Variants in ST6GALNAC5 observed in about 807,000 individuals in gnomAD.
The protein encoded by ST6GALNAC5 is alpha-N-acetylgalactosaminide alpha-2,6-sialyltransferase 5.
Under a neutral mutation model 33.6 loss-of-function variants are expected in ST6GALNAC5, and 27 were observed. The ratio of observed to expected loss-of-function variants is 0.80; its 90% CI spans 0.59 to 1.11. The LOEUF is 1.11. Among genes scored for constraint, ST6GALNAC5 ranks in the 50% least tolerant of loss-of-function variants. ST6GALNAC5 has a pLI of 0.00. For synonymous variants in ST6GALNAC5, 194 were observed against 171.2 expected, an observed-to-expected ratio of 1.13 and a Z score of -1.04; for missense variants, 428 against 454.0, an observed-to-expected ratio of 0.94 and a Z score of 0.52.
At chr1:76,891,060 G>A (rs550867473) in intron 2 of ST6GALNAC5, among the ~76,000 whole-genome samples, 1 of 152,270 alleles carries the variant, frequency 6.6e-6, no homozygotes, top group East Asian at 1.9e-4. Context: ...GTACAAGTTT[G>A]TGTAGGGGAC....
intron 2 of ST6GALNAC5, among the ~76,000 whole-genome samples, chr1:76,890,570 A>C (rs2100248200): frequency 6.7e-6 from 1 of 148,966 alleles, no homozygotes; most frequent in South Asian, 2.1e-4. Flanking sequence ...AGCTCTGTGG[A>C]GTTCTTTTAC....
At chr1:76,887,267 G>A (rs1653918112) in intron 2 of ST6GALNAC5, among the ~76,000 whole-genome samples, 1 of 152,222 alleles carries the variant, frequency 6.6e-6, no homozygotes, top group African/African-American at 2.4e-5. Context: ...GAGAGGGGAA[G>A]TGTTCCCATA....
intron 2 of ST6GALNAC5, among the ~76,000 whole-genome samples, chr1:76,975,467 G>A (rs993376752): frequency 6.6e-5 from 10 of 152,172 alleles, no homozygotes; most frequent in African/African-American, 1.9e-4. Flanking sequence ...AATGTTTAGT[G>A]AAGCATTATA....
chr1:76,916,024 A>G (rs989137979), intron 2 of ST6GALNAC5, among the ~76,000 whole-genome samples: 1 of 151,900 alleles, frequency 6.6e-6, no homozygotes, highest in South Asian at 2.1e-4. Flanking sequence ...AAAAAAAAAA[A>G]ACTCATTGAA....
intron 2 of ST6GALNAC5, among the ~76,000 whole-genome samples, chr1:77,021,804 T>C (rs1039752049): frequency 6.9e-6 from 1 of 145,784 alleles, no homozygotes; most frequent in Non-Finnish European, 1.5e-5. Flanking sequence ...ATGGGACACA[T>C]TTTATAGGAT....
At chr1:76,978,779 C>A (rs1649128462) in intron 2 of ST6GALNAC5, among the ~76,000 whole-genome samples, 1 of 151,872 alleles carries the variant, frequency 6.6e-6, no homozygotes, top group Non-Finnish European at 1.5e-5. Context: ...CTAGGCAGAG[C>A]CATTAGGCAA....
chr1:76,998,217 G>A (rs1442167367), intron 2 of ST6GALNAC5, among the ~76,000 whole-genome samples: 2 of 151,988 alleles, frequency 1.3e-5, no homozygotes, highest in African/African-American at 2.4e-5. Context: ...GATCACTGCT[G>A]AAAACATACC....
chr1:76,902,635 C>T (rs1349314274), intron 2 of ST6GALNAC5, among the ~76,000 whole-genome samples: 1 of 152,040 alleles, frequency 6.6e-6, no homozygotes, highest in East Asian at 1.9e-4. Flanking sequence ...TTCCCAATTT[C>T]AAAACTTACA....
At chr1:76,948,784 A>G (rs1386940825) in intron 2 of ST6GALNAC5, among the ~76,000 whole-genome samples, 1 of 152,166 alleles carries the variant, frequency 6.6e-6, no homozygotes, top group African/African-American at 2.4e-5. Context: ...AAAGATATCA[A>G]GAACCTTAAG....
At position 77,063,587 on chromosome 1, in the gene ST6GALNAC5, A is replaced by G. The variant is rs1260931913; in HGVS notation, c.*381A>G. 3 of 225,068 alleles carry G rather than the reference A, an allele frequency of 1.3e-5. No homozygotes were observed. The highest frequency in any genetic ancestry group is 2.3e-5 in the African/African-American group (1 of 44,194). The allele number at this position is 225,068 out of a possible 1,614,324, so 13.9% of individuals were successfully genotyped here. Reference sequence around the variant, plus strand: ...CCATGTCAAAGACGTTTTTCTATCAAGTTGTATTCTTTCCTGTTCTATAAC... The same window carrying G: ...CCATGTCAAAGACGTTTTTCTATCAGGTTGTATTCTTTCCTGTTCTATAAC... On this transcript the variant is annotated 3_prime_UTR_variant, in exon 5 of 5. Coordinates refer to ENST00000477717, the MANE Select transcript of ST6GALNAC5 (RefSeq NM_030965.3).
chr1:77,059,931 T>C (rs1479512318), intron 4 of ST6GALNAC5, among the ~76,000 whole-genome samples: 2 of 152,214 alleles, frequency 1.3e-5, no homozygotes, highest in Admixed American at 6.5e-5. Flanking sequence ...AATCCAATAC[T>C]GACATTGTTT....
At chr1:77,014,747 T>A (rs1029695760) in intron 2 of ST6GALNAC5, among the ~76,000 whole-genome samples, 1 of 152,114 alleles carries the variant, frequency 6.6e-6, no homozygotes, top group African/African-American at 2.4e-5. Context: ...TGGGACCTGA[T>A]AAAAGCCTCT....
chr1:76,995,181 A>G (rs1389760439), intron 2 of ST6GALNAC5, among the ~76,000 whole-genome samples: 2 of 152,134 alleles, frequency 1.3e-5, no homozygotes, highest in African/African-American at 4.8e-5. Context: ...GAGGATGGAT[A>G]GAGGTCAGGA....
chr1:76,916,013 T>TA (rs35703086), intron 2 of ST6GALNAC5, among the ~76,000 whole-genome samples: 9,314 of 146,760 alleles, frequency 0.063, 338 homozygotes, highest in Non-Finnish European at 0.091. Context: ...ATCTGCATTT[T>TA]AAAAAAAAAA....
At position 76,901,245 on chromosome 1, in the gene ST6GALNAC5, A is replaced by G. The variant is rs139954803; in HGVS notation, c.261+32503A>G. 9.8e-5 allele frequency among the ~76,000 whole-genome samples: 15 copies of G among 152,338 alleles called. No homozygotes were observed. The East Asian group carries it at 2.9e-3, about 29-fold the overall frequency. On this transcript the variant is annotated intron_variant, in intron 2 of 4. Transcript: ENST00000477717. ...ATACATTGTGCTTCCTTAGTCACCA[A>G]TGTATTTTCCGTACATTGAAAAGTC...
At chr1:77,026,642 A>G (rs928670761) in intron 2 of ST6GALNAC5, among the ~76,000 whole-genome samples, 4 of 152,162 alleles carry the variant, frequency 2.6e-5, no homozygotes, top group African/African-American at 9.7e-5. Flanking sequence ...ACCACTGCAC[A>G]TGTTTTACTT....
At chr1:77,031,262 C>T (rs1391973888) in intron 2 of ST6GALNAC5, among the ~76,000 whole-genome samples, 2 of 152,202 alleles carry the variant, frequency 1.3e-5, no homozygotes, top group Non-Finnish European at 2.9e-5. Flanking sequence ...GCTGGTAGCT[C>T]ATCAAGATGG....
In ST6GALNAC5 at chr1:76,939,803, A is replaced by G. The variant is rs531699180; in HGVS notation, c.261+71061A>G. ...TGAGAGACAGAATACAGCAAGACAA[A>G]CATAGTTGCTTCCTTTATGGAACTT... is the stretch of plus-strand genomic sequence containing the variant. On this transcript the variant is annotated intron_variant, in intron 2 of 4. Transcript: ENST00000477717. 2.0e-5 allele frequency among the ~76,000 whole-genome samples: 3 copies of G among 152,242 alleles called. No homozygotes were observed. In the South Asian group the frequency reaches 6.2e-4, roughly 32 times the overall value.
chr1:76,867,934 G>A (rs970167035), intron 1 of ST6GALNAC5, among the ~76,000 whole-genome samples: 1 of 152,194 alleles, frequency 6.6e-6, no homozygotes, highest in African/African-American at 2.4e-5. Flanking sequence ...CGAGAGGTCC[G>A]AGGGGGTGGC....
Sources: allele counts gnomAD v4.1 joint callset (sites outside exome capture counted in the v4.1 genomes callset), GRCh38; gene constraint gnomAD v4.1.1; transcripts MANE v1.5; gene names NCBI Gene and HGNC (gene_info 2026-07-23, HGNC 2026-07-21).